The following CMSS1 variants were observed in gnomAD, a reference collection of about 807,000 sequenced individuals.
The protein encoded by CMSS1 is protein CMSS1.
In CMSS1, 33 loss-of-function variants were observed where a neutral mutation model predicts 43.5. The observed-to-expected ratio is 0.76, with a 90% CI of 0.57 to 1.01. CMSS1 has a LOEUF of 1.01. CMSS1 is among the 50% of genes least tolerant of loss of function. The pLI, the probability that CMSS1 is intolerant of heterozygous loss-of-function variation, is 0.00. For missense variants in CMSS1, 313 were observed against 326.4 expected, an observed-to-expected ratio of 0.96 and a Z score of 0.32; for synonymous variants, 115 against 117.2, an observed-to-expected ratio of 0.98 and a Z score of 0.12.
chr3:100,178,096 G>A (rs914645333), intron 9 of CMSS1, among the ~76,000 whole-genome samples: 1 of 152,144 alleles, frequency 6.6e-6, no homozygotes, highest in Non-Finnish European at 1.5e-5. Context: ...TCCAGCATGG[G>A]CAACAGAATG....
chr3:99,953,721 A>G (rs1328894880), intron 1 of CMSS1, among the ~76,000 whole-genome samples: 1 of 152,224 alleles, frequency 6.6e-6, no homozygotes, highest in East Asian at 1.9e-4. Context: ...TTCATAGATA[A>G]TGAAACCACA....
chr3:100,084,090 G>C (rs1472453784), intron 1 of CMSS1, among the ~76,000 whole-genome samples: 1 of 152,102 alleles, frequency 6.6e-6, no homozygotes, highest in African/African-American at 2.4e-5. Flanking sequence ...GCAGAAAGGA[G>C]CTCAATTTTT....
chr3:99,960,990 C>T (rs1708474822), intron 1 of CMSS1, among the ~76,000 whole-genome samples: 2 of 152,072 alleles, frequency 1.3e-5, no homozygotes, highest in South Asian at 2.1e-4. Flanking sequence ...TGTGTGCATG[C>T]GTGTGTGCAG....
intron 8 of CMSS1, among the ~76,000 whole-genome samples, chr3:100,175,983 C>T (rs1460494967): frequency 6.6e-6 from 1 of 152,186 alleles, no homozygotes; most frequent in East Asian, 1.9e-4. Context: ...GGCAACTACC[C>T]CAAACTGCGG....
At chr3:99,989,664 C>CTA (rs72124290) in intron 1 of CMSS1, among the ~76,000 whole-genome samples, 4 of 62,800 alleles carry the variant, frequency 6.4e-5, no homozygotes, top group African/African-American at 3.2e-4. Flanking sequence ...GTATCTTCCT[C>CTA]TATATATATA....
intron 1 of CMSS1, among the ~76,000 whole-genome samples, chr3:100,058,337 A>C (rs945731175): frequency 3.9e-5 from 6 of 152,238 alleles, no homozygotes; most frequent in Admixed American, 6.5e-5. Context: ...AACTTTGTAC[A>C]ATCAGATGCT....
chr3:99,823,925 C>CTT (rs1288112808), intron 1 of CMSS1, among the ~76,000 whole-genome samples: 9 of 141,976 alleles, frequency 6.3e-5, no homozygotes, highest in South Asian at 2.2e-4. Context: ...TTCTTTCTTT[C>CTT]TTTTTTTTTT....
chr3:100,037,956 T>TTTC (rs1491209575), intron 1 of CMSS1, among the ~76,000 whole-genome samples: 2 of 87,814 alleles, frequency 2.3e-5, no homozygotes, highest in Non-Finnish European at 4.6e-5. Context: ...TTTTTTTTTT[T>TTTC]GGGGGGGGAG....
intron 1 of CMSS1, among the ~76,000 whole-genome samples, chr3:100,018,735 CAAAAA>C (rs61527233): frequency 8.3e-6 from 1 of 120,230 alleles, no homozygotes; most frequent in Non-Finnish European, 1.8e-5. Flanking sequence ...TTCCGCATAG[CAAAAA>C]AAAAAAAAAA....
chr3:100,086,216 A>G (rs747785791), intron 1 of CMSS1, among the ~76,000 whole-genome samples: 2 of 152,218 alleles, frequency 1.3e-5, no homozygotes, highest in Non-Finnish European at 2.9e-5. Flanking sequence ...GCTTTATTTT[A>G]TTCAGTCTCA....
In CMSS1 at chr3:100,180,724, C is replaced by G. The variant is rs1467130209; in HGVS notation, c.*2336C>G. The G allele has an allele frequency of 6.6e-6, 1 of 152,242 alleles. No homozygotes were observed. The highest frequency in any genetic ancestry group is 3.2e-3 in the Middle Eastern group (1 of 316). The allele number at this position is 152,242 out of a possible 1,614,324, so 9.4% of individuals were successfully genotyped here. On this transcript the variant is annotated 3_prime_UTR_variant, in exon 10 of 10. Coordinates refer to ENST00000421999, the MANE Select transcript of CMSS1 (RefSeq NM_032359.4). ...CCTCATATTCCTGTCTTCTTCTGAT[C>G]CTTCCAAACTGTTGCAACTTCTCCC...
intron 1 of CMSS1, among the ~76,000 whole-genome samples, chr3:99,822,335 A>G (rs1407461290): frequency 6.6e-6 from 1 of 152,144 alleles, no homozygotes; most frequent in East Asian, 1.9e-4. Context: ...TGCCTCCCCA[A>G]CTCATTCTGA....
At chr3:99,979,216 A>G (rs1268432491) in intron 1 of CMSS1, among the ~76,000 whole-genome samples, 1 of 152,206 alleles carries the variant, frequency 6.6e-6, no homozygotes, top group Non-Finnish European at 1.5e-5. Context: ...ACAATTACCT[A>G]TCAGTTTTAA....
At chr3:99,927,815 G>A (rs552167368) in intron 1 of CMSS1, among the ~76,000 whole-genome samples, 3 of 152,024 alleles carry the variant, frequency 2.0e-5, no homozygotes, top group African/African-American at 4.8e-5. Context: ...GCCTCTTCCC[G>A]CCCTCTTGAC....
At chr3:99,871,181 C>A (rs1477004644) in intron 1 of CMSS1, among the ~76,000 whole-genome samples, 1 of 152,174 alleles carries the variant, frequency 6.6e-6, no homozygotes, top group East Asian at 1.9e-4. Context: ...CTTGACTTAA[C>A]CTGAGCCTAA....
intron 1 of CMSS1, chr3:99,848,376 T>C (rs751240509): frequency 2.5e-6 from 4 of 1,614,202 alleles, no homozygotes; most frequent in East Asian, 4.5e-5. Flanking sequence ...TTGTTTTGTT[T>C]AGTGCCCCGT....
In CMSS1 at chr3:99,980,581, A is replaced by C. The variant is rs553831479; in HGVS notation, c.64+162538A>C. On this transcript the variant is annotated intron_variant, in intron 1 of 9. Transcript: ENST00000421999. ...TGAGTTTATTACAAACTTAAGAAAAATTTAAAAATTACTGGCTTTCAGCAG... is the reference window on the plus strand; with the variant it reads ...TGAGTTTATTACAAACTTAAGAAAACTTTAAAAATTACTGGCTTTCAGCAG... Among the ~76,000 whole-genome samples the C allele has an allele frequency of 2.6e-5, 4 of 152,332 alleles. No homozygotes were observed. The South Asian group carries it at 8.3e-4, about 32-fold the overall frequency.
At chr3:100,128,890 C>T (rs1053708742) in intron 1 of CMSS1, among the ~76,000 whole-genome samples, 8 of 152,132 alleles carry the variant, frequency 5.3e-5, no homozygotes, top group South Asian at 2.1e-4. Flanking sequence ...ATCGTTTATC[C>T]GTTCTCTCTT....
chr3:100,167,153 T>C (rs1411519833), intron 5 of CMSS1, among the ~76,000 whole-genome samples: 1 of 152,226 alleles, frequency 6.6e-6, no homozygotes, highest in East Asian at 1.9e-4. Flanking sequence ...GAGTTTCCAT[T>C]CTTCTTTCAA....
Sources: gnomAD v4.1 joint callset for allele counts (sites outside exome capture counted in the v4.1 genomes callset) on GRCh38, gnomAD v4.1.1 for gene constraint, MANE v1.5 for transcripts, NCBI Gene and HGNC (gene_info 2026-07-23, HGNC 2026-07-21) for gene names.